The following PCDHGB7 variants were observed in gnomAD, a reference collection of about 807,000 sequenced individuals.
PCDHGB7 encodes the protein protocadherin gamma subfamily B, 7.
Under a neutral mutation model 61.4 loss-of-function variants are expected in PCDHGB7, and 37 were observed. The ratio of observed to expected loss-of-function variants is 0.60; its 90% CI spans 0.46 to 0.79. PCDHGB7 has a LOEUF of 0.79. PCDHGB7 is among the 30% of genes least tolerant of loss of function. The probability of loss-of-function intolerance (pLI) is 0.00; values close to 1 mark genes in which losing one functional copy is unlikely to be tolerated. For synonymous variants in PCDHGB7, 464 were observed against 503.5 expected (o/e 0.92, Z 1.05); for missense variants, 1,166 against 1,202.5 (o/e 0.97, Z 0.45).
chr5:141,448,329 A>T (rs1166759766), intron 1 of PCDHGB7, among the ~76,000 whole-genome samples: 1 of 152,146 alleles, frequency 6.6e-6, no homozygotes, highest in Non-Finnish European at 1.5e-5. Context: ...TTGAATCTTT[A>T]TAGCCATGTA....
intron 1 of PCDHGB7, among the ~76,000 whole-genome samples, chr5:141,452,909 T>C (rs1408054133): frequency 6.6e-6 from 1 of 152,232 alleles, no homozygotes; most frequent in Non-Finnish European, 1.5e-5. Flanking sequence ...GTTGGCATTA[T>C]ACAGTAAGAA....
rs2096315825 is a variant in PCDHGB7 at position 141,419,028 on chromosome 5, T to C, written c.1169T>C (p.Val390Ala). Residue 390 changes from valine (V) to alanine (A), a missense_variant, in exon 1 of 4, where the codon GTT becomes GCT. Val to Ala is a moderately conservative substitution (Grantham distance 64). Coordinates refer to ENST00000398594, the MANE Select transcript of PCDHGB7 (RefSeq NM_018927.4). Reference protein sequence around the residue: ...GEVRCSLSRGVPFKIHSSSNN... With the variant: ...GEVRCSLSRGAPFKIHSSSNN... ...GTCAGGTGTAGCTTAAGTAGAGGTG[T>C]TCCATTTAAGATTCATTCTTCTTCT... 5.0e-6 allele frequency: 8 copies of C among 1,613,638 alleles called. No individual in the cohort carries two copies. The South Asian group carries it at 8.8e-5, about 18-fold the overall frequency.
chr5:141,420,511 A>G (rs958868048), intron 1 of PCDHGB7: 23 of 419,992 alleles, frequency 5.5e-5, no homozygotes, highest in Middle Eastern at 6.5e-4. Context: ...ATTTTTATGA[A>G]GTAAAATACC....
rs1410419839 is a variant in PCDHGB7 at position 141,429,391 on chromosome 5, A to ATTTT, written c.2415+9117_2415+9118insTTTT. Among the ~76,000 whole-genome samples, 380 of 151,312 alleles carry ATTTT rather than the reference A, an allele frequency of 2.5e-3. 1 individual carries two copies. The highest frequency in any genetic ancestry group is 4.2e-3 in the South Asian group (20 of 4,768). On this transcript the variant is annotated intron_variant, in intron 1 of 3. Coordinates refer to ENST00000398594, the MANE Select transcript of PCDHGB7 (RefSeq NM_018927.4). The stretch of plus-strand genomic sequence containing the variant: ...GGAGAAAATGTGTTTTTTTTTTAAA[A>ATTTT]AAAATTGAGATTAAGGTCTCATTAT...
chr5:141,495,547 C>G (rs2099762038), intron 2 of PCDHGB7, among the ~76,000 whole-genome samples: 1 of 152,228 alleles, frequency 6.6e-6, no homozygotes, highest in South Asian at 2.1e-4. Flanking sequence ...CAGTCTCTAT[C>G]TCGCTTTGCA....
At position 141,432,266 on chromosome 5, in the gene PCDHGB7, T is replaced by A. The variant is rs1444077446; in HGVS notation, c.2415+11992T>A. The A allele has an allele frequency of 9.3e-6, 15 of 1,614,096 alleles. No individual in the cohort carries two copies. Among genetic ancestry groups the A allele is most frequent in the Admixed American group, 3.3e-5 (2 of 60,010 alleles). The stretch of plus-strand genomic sequence containing the variant: ...CACCATCCAAGGGGCAAGCCTATCG[T>A]CCTACGTGTCCATCAACTCCGACAC... On this transcript the variant is annotated intron_variant, in intron 1 of 3. Transcript: ENST00000398594. The surrounding 1 kb of genome is among the most constrained non-coding windows in gnomAD (Gnocchi z 6.0).
rs572457971 is a variant in PCDHGB7, at chr5:141,426,319, C to T, written c.2415+6045C>T. The T allele has an allele frequency of 1.5e-3, 257 of 175,598 alleles. 1 individual carries two copies. Among genetic ancestry groups the T allele is most frequent in the Non-Finnish European group, 1.2e-3 (99 of 79,820 alleles). 10.9% of individuals were successfully genotyped at this position (175,598 alleles called of 1,614,324 possible). ...CAGGGTGAAGCAGAGAAGCAGGACC[C>T]GGCAGTGGCAAGCACTCTTCCCTTT... is the stretch of plus-strand genomic sequence containing the variant. On this transcript the variant is annotated intron_variant, in intron 1 of 3. Coordinates refer to ENST00000398594, the MANE Select transcript of PCDHGB7 (RefSeq NM_018927.4).
chr5:141,427,626 C>T, intron 1 of PCDHGB7: 1 of 699,934 alleles, frequency 1.4e-6, no homozygotes, highest in Non-Finnish European at 2.6e-6. Flanking sequence ...CGACAATGCT[C>T]CGGTTTTCCA....
At chr5:141,481,656 A>G (rs1425280340) in intron 1 of PCDHGB7, among the ~76,000 whole-genome samples, 1 of 152,084 alleles carries the variant, frequency 6.6e-6, no homozygotes, top group Non-Finnish European at 1.5e-5. Context: ...CATCTCTACT[A>G]ATAATACAAA....
chr5:141,442,343 G>A (rs1300318674), intron 1 of PCDHGB7: 1 of 152,336 alleles, frequency 6.6e-6, no homozygotes, highest in African/African-American at 2.4e-5. Context: ...CAGGTTTCTG[G>A]GTAACTGTAG....
chr5:141,511,353 A>C lies in PCDHGB7; in HGVS notation c.*180A>C. ...AGTCAGCACCTACCCCTTCCCCCCC[A>C]GGGGGTTGAATATGCAAAAGCAGTT... On this transcript the variant is annotated 3_prime_UTR_variant, in exon 4 of 4. Transcript: ENST00000398594. 7.3e-7 allele frequency: 1 copy of C among 1,371,054 alleles called. No individual in the cohort carries two copies. Among genetic ancestry groups the C allele is most frequent in the Non-Finnish European group, 9.7e-7 (1 of 1,027,740 alleles). The allele number at this position is 1,371,054 out of a possible 1,614,324, so 84.9% of individuals were successfully genotyped here. A position where few individuals can be genotyped will look rare whatever the true frequency, so the allele number is the denominator to read the frequency against.
chr5:141,441,150 T>C (rs1421773650), intron 1 of PCDHGB7: 4 of 152,122 alleles, frequency 2.6e-5, no homozygotes, highest in African/African-American at 7.2e-5. Context: ...ATAATGACAA[T>C]ATCCTAGAGG....
At chr5:141,494,064 G>T (rs1233070772) in intron 1 of PCDHGB7, among the ~76,000 whole-genome samples, 2 of 152,160 alleles carry the variant, frequency 1.3e-5, no homozygotes, top group South Asian at 2.1e-4. Flanking sequence ...TGTGGGAGCT[G>T]GATCCCTCCC....
intron 1 of PCDHGB7, among the ~76,000 whole-genome samples, chr5:141,434,195 T>C (rs1561872734): frequency 6.6e-6 from 1 of 151,916 alleles, no homozygotes; most frequent in Non-Finnish European, 1.5e-5. Flanking sequence ...AATTCCAATG[T>C]ACTTACTTCT....
rs1046764113 is a variant in PCDHGB7, at chr5:141,495,395, G to A, written c.2474+530G>A. Among the ~76,000 whole-genome samples the A allele has an allele frequency of 4.1e-4, 62 of 152,326 alleles. 1 individual carries two copies. The highest frequency in any genetic ancestry group is 1.4e-3 in the African/African-American group (57 of 41,576). On this transcript the variant is annotated intron_variant, in intron 2 of 3. Transcript: ENST00000398594. Reference sequence around the variant, plus strand: ...GAGGAAGGACTGGGCGGGGCATGGAGCAGGCCCCCTTCTCCGGCCCCTCCT... The same window carrying A: ...GAGGAAGGACTGGGCGGGGCATGGAACAGGCCCCCTTCTCCGGCCCCTCCT...
At chr5:141,482,530 C>CAAAAAA (rs3074545) in intron 1 of PCDHGB7, among the ~76,000 whole-genome samples, 68 of 76,370 alleles carry the variant, frequency 8.9e-4, no homozygotes, top group African/African-American at 1.2e-3. Context: ...GACAGACATG[C>CAAAAAA]AAAAAAAAAA....
chr5:141,419,890 C>T lies in PCDHGB7; in HGVS notation c.2031C>T (p.Asp677=), dbSNP rs775698934. The change falls in exon 1 of 4, where the codon GAC becomes GAT. Residue 677 remains aspartate (D), a synonymous_variant. Coordinates refer to ENST00000398594, the MANE Select transcript of PCDHGB7 (RefSeq NM_018927.4). Reference sequence around the variant, plus strand: ...AAGAGGTACTGCCGGATTTCAGCGACCATCCCACACCCTCTGACTCCCAGG... The same window carrying T: ...AAGAGGTACTGCCGGATTTCAGCGATCATCCCACACCCTCTGACTCCCAGG... ...SLQEVLPDFS[D]HPTPSDSQAE... 1.9e-6 allele frequency: 3 copies of T among 1,614,102 alleles called. No homozygotes were observed. The highest frequency in any genetic ancestry group is 2.5e-6 in the Non-Finnish European group (3 of 1,179,906).
At position 141,483,010 on chromosome 5, in the gene PCDHGB7, G is replaced by A. The variant is rs574078222; in HGVS notation, c.2416-11797G>A. Among the ~76,000 whole-genome samples the A allele has an allele frequency of 1.3e-3, 204 of 152,122 alleles. 1 individual carries two copies. Among genetic ancestry groups the A allele is most frequent in the African/African-American group, 4.0e-3 (168 of 41,498 alleles). On this transcript the variant is annotated intron_variant, in intron 1 of 3. Coordinates refer to ENST00000398594, the MANE Select transcript of PCDHGB7 (RefSeq NM_018927.4). Reference sequence around the variant, plus strand: ...CGAGGCAGGAGAATTGCTTGAACCCGGGAGGCAGAGGTTGCAATGAGCTGG... The same window carrying A: ...CGAGGCAGGAGAATTGCTTGAACCCAGGAGGCAGAGGTTGCAATGAGCTGG...
intron 1 of PCDHGB7, among the ~76,000 whole-genome samples, chr5:141,464,077 C>T (rs891173261): frequency 1.3e-5 from 2 of 151,950 alleles, no homozygotes; most frequent in African/African-American, 4.8e-5. Context: ...CCAGCCTGGC[C>T]AACATGGTGA....
Sources: allele counts gnomAD v4.1 joint callset (sites outside exome capture counted in the v4.1 genomes callset), GRCh38; gene constraint gnomAD v4.1.1; non-coding constraint Gnocchi (gnomAD v3.1); transcripts MANE v1.5; gene names NCBI Gene and HGNC (gene_info 2026-07-23, HGNC 2026-07-21).